DMXL1: variants seen among roughly 807,000 people sequenced by gnomAD.
DMXL1 encodes Dmx like 1, also known as dmX-like protein 1.
Under a neutral mutation model 319.2 loss-of-function variants are expected in DMXL1, and 99 were observed. The observed-to-expected ratio is 0.31, with a 90% CI of 0.26 to 0.37. DMXL1 has a LOEUF of 0.37. Ranked by LOEUF, DMXL1 falls within the 10% of genes least tolerant of loss-of-function variation. The pLI is 1.00. For synonymous variants in DMXL1, 1,385 were observed against 1,235.2 expected (o/e 1.12, Z -2.54); for missense variants, 3,745 against 3,595.6 (o/e 1.04, Z -1.06).
At chr5:119,237,839 T>C (rs1402842195) in intron 40 of DMXL1, among the ~76,000 whole-genome samples, 1 of 152,120 alleles carries the variant, frequency 6.6e-6, no homozygotes, top group African/African-American at 2.4e-5. Flanking sequence ...CTTGTTCATC[T>C]CTTTTAATTT....
intron 25 of DMXL1, 97 bp downstream of exon 25, chr5:119,172,066 G>A (rs1639215156): frequency 8.8e-7 from 1 of 1,140,194 alleles, no homozygotes; most frequent in Non-Finnish European, 1.2e-6. Context: ...TTAAACATCA[G>A]ACTAAGCATA....
At chr5:119,213,667 T>G (rs1783183223) in intron 34 of DMXL1, among the ~76,000 whole-genome samples, 1 of 152,172 alleles carries the variant, frequency 6.6e-6, no homozygotes, top group Non-Finnish European at 1.5e-5. Context: ...TCAATTCAGT[T>G]GAATGTCTCT....
At chr5:119,219,568 AATTT>A (rs61054079) in intron 35 of DMXL1, among the ~76,000 whole-genome samples, 10 of 150,570 alleles carry the variant, frequency 6.6e-5, no homozygotes, top group East Asian at 5.9e-4. Flanking sequence ...TTAATTAATT[AATTT>A]ATTTATTTAT....
At position 119,146,972 on chromosome 5, in the gene DMXL1, G is replaced by C. The variant is rs745934782; in HGVS notation, c.2689+16G>C. On this transcript the variant is annotated intron_variant, in intron 16 of 43. Coordinates refer to ENST00000539542, the MANE Select transcript of DMXL1 (RefSeq NM_001290321.3). ...GTCTCATTAGGTGAGTCTTTTGTGT[G>C]TGTGTTTGTGCAACTTTAATAGGTG... 16 of 1,608,970 alleles carry C rather than the reference G, an allele frequency of 9.9e-6. No homozygotes were observed. Among genetic ancestry groups the C allele is most frequent in the Admixed American group, 1.7e-5 (1 of 58,662 alleles).
chr5:119,163,894 T>A (rs1772830647), intron 19 of DMXL1, among the ~76,000 whole-genome samples: 1 of 151,792 alleles, frequency 6.6e-6, no homozygotes, highest in Non-Finnish European at 1.5e-5. Context: ...GTTTTTTGAG[T>A]AGAGACAGGG....
At chr5:119,138,178 A>T (rs1233607812) in intron 13 of DMXL1, among the ~76,000 whole-genome samples, 1 of 152,222 alleles carries the variant, frequency 6.6e-6, no homozygotes, top group Non-Finnish European at 1.5e-5. Context: ...GGCAGAGATG[A>T]TAAAAATGGC....
Position 119,171,045 on chromosome 5 carries a change from C to A in DMXL1, c.6254C>A (p.Ser2085Tyr). Residue 2085 changes from serine to tyrosine, a missense_variant, in exon 24 of 44, where the codon TCT becomes TAT. Ser to Tyr is a moderately radical substitution (Grantham distance 144). Around this residue, in one of 4 missense-constraint regions of DMXL1, gnomAD observed 1,382 missense variants for 1,269.5 expected, o/e 1.09. Coordinates refer to ENST00000539542, the MANE Select transcript of DMXL1 (RefSeq NM_001290321.3). ...DFCSDAEELQ[S>Y]AFGRNEDEFG... Reference sequence around the variant, plus strand: ...TGCTCAGATGCTGAAGAACTACAGTCTGCATTTGGCAGAAATGAAGATGAA... The same window carrying A: ...TGCTCAGATGCTGAAGAACTACAGTATGCATTTGGCAGAAATGAAGATGAA... The A allele has an allele frequency of 6.2e-7, 1 of 1,613,780 alleles. No homozygotes were observed. Among genetic ancestry groups the A allele is most frequent in the South Asian group, 1.1e-5 (1 of 91,032 alleles).
At chr5:119,192,446 A>G (rs1304114823) in intron 29 of DMXL1, among the ~76,000 whole-genome samples, 1 of 152,032 alleles carries the variant, frequency 6.6e-6, no homozygotes, top group Non-Finnish European at 1.5e-5. Context: ...CTGCTATCCC[A>G]TTTCTCTGTT....
intron 17 of DMXL1, 152 bp downstream of exon 17, chr5:119,147,622 C>G (rs915625820): frequency 1.8e-6 from 1 of 541,558 alleles, no homozygotes; most frequent in Middle Eastern, 4.9e-4. Flanking sequence ...ACTTATAGTT[C>G]TCATTATGTT....
chr5:119,107,148 G>A (rs183496997), intron 4 of DMXL1, among the ~76,000 whole-genome samples: 76 of 152,162 alleles, frequency 5.0e-4, no homozygotes, highest in African/African-American at 1.4e-3. Context: ...ACCAGCCTGG[G>A]CAACATAGGG....
chr5:119,135,751 CT>C (rs1765847937), intron 13 of DMXL1, among the ~76,000 whole-genome samples: 1 of 152,192 alleles, frequency 6.6e-6, no homozygotes, highest in African/African-American at 2.4e-5. Context: ...CTTGCTTCTC[CT>C]TTGCCTTCTG....
intron 38 of DMXL1, among the ~76,000 whole-genome samples, chr5:119,232,235 A>T (rs1172970130): frequency 6.6e-6 from 1 of 152,204 alleles, no homozygotes; most frequent in Non-Finnish European, 1.5e-5. Flanking sequence ...AAGCTATGCA[A>T]GCGCATTGGG....
At chr5:119,081,755 G>A (rs1752235741) in intron 1 of DMXL1, 1 of 981,902 alleles carries the variant, frequency 1.0e-6, no homozygotes, top group Admixed American at 6.2e-5. Flanking sequence ...ACTGTGCATG[G>A]AGAATTTTGT....
At chr5:119,123,358 G>C (rs1381015737) in intron 9 of DMXL1, among the ~76,000 whole-genome samples, 2 of 128,676 alleles carry the variant, frequency 1.6e-5, no homozygotes, top group Non-Finnish European at 3.4e-5. Context: ...AGGAGGGAGA[G>C]GGAGAGGAGG....
rs1758081809 is a variant in DMXL1, at chr5:119,105,266, A to G, written c.364+8A>G. The G allele has an allele frequency of 1.2e-6, 2 of 1,605,176 alleles. No individual in the cohort carries two copies. The highest frequency in any genetic ancestry group is 1.7e-6 in the Non-Finnish European group (2 of 1,172,480). ...TAACCTGGGATCCCACAGGTAAGAA[A>G]ATAAGCAGGATTAACTAAAATGAAA... On this transcript the variant is annotated splice_region_variant and intron_variant, in intron 4 of 43. Transcript: ENST00000539542.
chr5:119,229,263 A>C (rs151182048), intron 38 of DMXL1, among the ~76,000 whole-genome samples: 2 of 152,230 alleles, frequency 1.3e-5, no homozygotes, highest in African/African-American at 4.8e-5. Context: ...TCAAAGACCT[A>C]AAAAGACATG....
intron 19 of DMXL1, chr5:119,154,676 A>AT (rs1368390246): frequency 1.3e-5 from 2 of 154,310 alleles, no homozygotes; most frequent in African/African-American, 4.8e-5. Context: ...CTTCTACGTC[A>AT]TTCAGCACTT....
At chr5:119,101,728 G>A (rs1191872716) in intron 2 of DMXL1, among the ~76,000 whole-genome samples, 1 of 152,208 alleles carries the variant, frequency 6.6e-6, no homozygotes. Flanking sequence ...AACGTTTGGA[G>A]AGATTAAGTT....
chr5:119,147,404 A>C lies in DMXL1; in HGVS notation c.2845A>C (p.Met949Leu). 6.2e-7 allele frequency: 1 copy of C among 1,613,624 alleles called. No homozygotes were observed. Among genetic ancestry groups the C allele is most frequent in the Non-Finnish European group, 8.5e-7 (1 of 1,179,726 alleles). The change falls in exon 17 of 44, where the codon ATG (methionine) becomes CTG (leucine). Residue 949 changes from methionine (M) to leucine (L), a missense_variant. Physicochemically the swap from Met to Leu is conservative, Grantham distance 15. This residue lies in a region of DMXL1 where 2,096 missense variants were observed against 1,985.4 expected (regional missense o/e 1.06). Coordinates refer to ENST00000539542, the MANE Select transcript of DMXL1 (RefSeq NM_001290321.3). ...CAGCAGGTTGACTCTGTTTTCAGAA[A>C]TGGTTTATAGCCAAGAATTGCATTT... ...STSRLTLFSE[M>L]VYSQELHLPE...
Sources: gnomAD v4.1 joint callset for allele counts (sites outside exome capture counted in the v4.1 genomes callset) on GRCh38, gnomAD v4.1.1 for gene constraint, gnomAD v4.1.1 regional missense constraint, MANE v1.5 for transcripts, NCBI Gene and HGNC (gene_info 2026-07-23, HGNC 2026-07-21) for gene names.